DCLK1: variants seen among roughly 807,000 people sequenced by gnomAD.
The protein encoded by DCLK1 is doublecortin like kinase 1.
In DCLK1, 16 loss-of-function variants were observed where a neutral mutation model predicts 86.2. That is an observed-to-expected ratio of 0.19 (90% CI 0.13 to 0.28). The LOEUF (loss-of-function observed/expected upper bound fraction) is 0.28. Ranked by LOEUF, DCLK1 falls within the 10% of genes least tolerant of loss-of-function variation. The pLI is 1.00. For synonymous variants in DCLK1, 369 were observed against 370.5 expected, an observed-to-expected ratio of 1.00 and a Z score of 0.05; for missense variants, 590 against 940.2, an observed-to-expected ratio of 0.63 and a Z score of 4.87.
At chr13:35,956,064 C>T (rs1314317922) in intron 3 of DCLK1, among the ~76,000 whole-genome samples, 2 of 152,114 alleles carry the variant, frequency 1.3e-5, no homozygotes, top group African/African-American at 4.8e-5. Flanking sequence ...TGTTGTCTAC[C>T]TCCTTTTTAG....
In DCLK1 at chr13:35,850,136, A is replaced by C. The variant is rs947441771; in HGVS notation, c.1035+4363T>G. ...TAATTTTTCTTTTTCTCTCGGATGT[A>C]CTAACCCACAAAACAGTAAGTAGCT... On this transcript the variant is annotated intron_variant, in intron 6 of 16. Coordinates refer to ENST00000360631, the MANE Select transcript of DCLK1 (RefSeq NM_001330071.2). The C allele has an allele frequency of 3.0e-6, 3 of 985,222 alleles. No homozygotes were observed. The African/African-American group carries it at 5.2e-5, about 17-fold the overall frequency. The allele number at this position is 985,222 out of a possible 1,614,324, so 61.0% of individuals were successfully genotyped here.
At position 35,774,558 on chromosome 13, in the gene DCLK1, G is replaced by A. The variant is rs745824879; in HGVS notation, c.2200C>T (p.Arg734Cys). 6.4e-6 allele frequency: 10 copies of A among 1,556,978 alleles called. No individual in the cohort carries two copies. In the Admixed American group the frequency reaches 1.3e-4, roughly 21 times the overall value. The stretch of plus-strand genomic sequence containing the variant: ...TATTAAAAGGGCGAGTTAGGGGAGC[G>A]AACAGTCTCGGAGGAGCTTGGGGAG... ...DYSPSSSETVRSPNSPF is the reference protein window; with the variant it reads ...DYSPSSSETVCSPNSPF The change falls in exon 17 of 17, where the codon CGC becomes TGC. Residue 734 changes from arginine to cysteine, a missense_variant. Around this residue, in one of 6 missense-constraint regions of DCLK1, gnomAD observed 146 missense variants for 190.2 expected, o/e 0.77. Coordinates refer to ENST00000360631, the MANE Select transcript of DCLK1 (RefSeq NM_001330071.2).
intron 3 of DCLK1, among the ~76,000 whole-genome samples, chr13:36,051,897 AC>A (rs1245493315): frequency 6.6e-6 from 1 of 152,164 alleles, no homozygotes; most frequent in Non-Finnish European, 1.5e-5. Context: ...TAAAAGAAGA[AC>A]CTTAGAAGGG....
rs1405279101 is a variant in DCLK1, at chr13:35,781,451, T to C, written c.2059-6752A>G. On this transcript the variant is annotated intron_variant, in intron 16 of 16. Coordinates refer to ENST00000360631, the MANE Select transcript of DCLK1 (RefSeq NM_001330071.2). ...CCATCAATCTACTTAATGGGTTATG[T>C]TTTTCTCTTAGCAAACAATAGGCCT... Among the ~76,000 whole-genome samples the C allele has an allele frequency of 5.5e-4, 83 of 152,222 alleles. 2 individuals are homozygous for C. Among genetic ancestry groups the C allele is most frequent in the Non-Finnish European group, 1.8e-4 (12 of 68,038 alleles).
chr13:35,933,454 G>A (rs1343107079), intron 4 of DCLK1, among the ~76,000 whole-genome samples: 1 of 152,214 alleles, frequency 6.6e-6, no homozygotes, highest in Non-Finnish European at 1.5e-5. Flanking sequence ...CTCCATGAGA[G>A]CCCTGCTCCT....
At chr13:35,956,963 C>G (rs549266030) in intron 3 of DCLK1, among the ~76,000 whole-genome samples, 1 of 152,256 alleles carries the variant, frequency 6.6e-6, no homozygotes, top group South Asian at 2.1e-4. Context: ...TTGCAAATAA[C>G]TATACCTTCA....
At chr13:35,982,948 G>A (rs1879733021) in intron 3 of DCLK1, among the ~76,000 whole-genome samples, 1 of 151,870 alleles carries the variant, frequency 6.6e-6, no homozygotes, top group Non-Finnish European at 1.5e-5. Flanking sequence ...ATTTTTAGTA[G>A]AGACAGGGTT....
At chr13:35,937,797 G>C (rs565995694) in intron 4 of DCLK1, among the ~76,000 whole-genome samples, 2 of 152,280 alleles carry the variant, frequency 1.3e-5, no homozygotes, top group Admixed American at 1.3e-4. Context: ...TATAACAAAT[G>C]ATCAGGTTGA....
chr13:36,083,752 C>T (rs1884500443), intron 3 of DCLK1, among the ~76,000 whole-genome samples: 1 of 152,192 alleles, frequency 6.6e-6, no homozygotes, highest in Non-Finnish European at 1.5e-5. Context: ...CACTTTGTGA[C>T]ATCCACTGTG....
intron 16 of DCLK1, chr13:35,788,050 G>A (rs2086651996): frequency 4.3e-6 from 3 of 702,930 alleles, no homozygotes; most frequent in Non-Finnish European, 7.6e-6. Flanking sequence ...AAAGGAATGA[G>A]GGGGTGTGGC....
At chr13:35,878,232 T>C (rs4943349) in intron 4 of DCLK1, among the ~76,000 whole-genome samples, 19,239 of 152,224 alleles carry the variant, frequency 0.13, 1,437 homozygotes, top group South Asian at 0.19. Flanking sequence ...TTACTTTCTA[T>C]AGAAATGTTA....
chr13:35,914,703 G>A (rs1875302915), intron 4 of DCLK1, among the ~76,000 whole-genome samples: 1 of 149,050 alleles, frequency 6.7e-6, no homozygotes. Flanking sequence ...GTGGCAGAGT[G>A]AGATTCTATC....
At chr13:35,901,889 A>AT (rs34029733) in intron 4 of DCLK1, among the ~76,000 whole-genome samples, 27,112 of 148,998 alleles carry the variant, frequency 0.18, 2,628 homozygotes, top group East Asian at 0.35. Flanking sequence ...TGCAGAGCAA[A>AT]TTTTTTTTTT....
At chr13:36,081,437 G>A (rs1276571058) in intron 3 of DCLK1, among the ~76,000 whole-genome samples, 1 of 152,056 alleles carries the variant, frequency 6.6e-6, no homozygotes, top group Non-Finnish European at 1.5e-5. Context: ...AAAAAATTAA[G>A]TATGCTGAAA....
Position 35,862,461 on chromosome 13 carries a change from G to A in DCLK1, c.941-7868C>T, listed in dbSNP as rs779720939. Among the ~76,000 whole-genome samples, 46 of 152,284 alleles carry A rather than the reference G, an allele frequency of 3.0e-4. No individual in the cohort carries two copies. In the Middle Eastern group the frequency reaches 0.01, roughly 34 times the overall value. ...CCAGGATGACTACAATGGCCTCATA[G>A]AGCCTTCCTGGCCCTTGGCCTTTCA... On this transcript the variant is annotated intron_variant, in intron 5 of 16. Transcript: ENST00000360631.
chr13:36,034,386 C>A (rs1177785116), intron 3 of DCLK1, among the ~76,000 whole-genome samples: 1 of 152,068 alleles, frequency 6.6e-6, no homozygotes, highest in Non-Finnish European at 1.5e-5. Flanking sequence ...TTTCCTGTAT[C>A]TTTTGTTTTT....
chr13:35,864,489 C>T (rs1215794629), intron 5 of DCLK1, among the ~76,000 whole-genome samples: 2 of 70,582 alleles, frequency 2.8e-5, no homozygotes, highest in Admixed American at 3.5e-4. Context: ...GGCGTGAACC[C>T]GGGAGGCGGA....
chr13:35,830,230 A>G (rs539324088), intron 8 of DCLK1, among the ~76,000 whole-genome samples: 1 of 152,270 alleles, frequency 6.6e-6, no homozygotes, highest in East Asian at 1.9e-4. Flanking sequence ...TACTAAAAAA[A>G]AAATACAAAA....
chr13:35,919,739 T>C (rs1297141709), intron 4 of DCLK1, among the ~76,000 whole-genome samples: 1 of 151,974 alleles, frequency 6.6e-6, no homozygotes, highest in African/African-American at 2.4e-5. Context: ...GGCAGGAGGA[T>C]TGCTTGAGGC....
Sources: allele counts gnomAD v4.1 joint callset (sites outside exome capture counted in the v4.1 genomes callset), GRCh38; gene constraint gnomAD v4.1.1; regional missense constraint gnomAD v4.1.1; transcripts MANE v1.5; gene names NCBI Gene and HGNC (gene_info 2026-07-23, HGNC 2026-07-21).